SIL1: variants seen among roughly 807,000 people sequenced by gnomAD.
SIL1 encodes nucleotide exchange factor SIL1.
SIL1 carries 40 observed loss-of-function variants against 49.1 expected under a neutral mutation model. The observed-to-expected ratio is 0.81, with a 90% CI of 0.63 to 1.06. SIL1 has a LOEUF of 1.06. Ranked by LOEUF, SIL1 falls within the 50% of genes least tolerant of loss-of-function variation. SIL1 has a pLI of 0.00. For synonymous variants in SIL1, 253 were observed against 250.8 expected (o/e 1.01, Z -0.08); for missense variants, 500 against 572.6 (o/e 0.87, Z 1.29).
intron 6 of SIL1, among the ~76,000 whole-genome samples, chr5:139,024,714 C>G (rs1265155833): frequency 6.6e-6 from 1 of 152,272 alleles, no homozygotes; most frequent in Non-Finnish European, 1.5e-5. Context: ...AGCCCCCCAC[C>G]TGCAGTCTAA....
Position 138,948,244 on chromosome 5 carries a change from T to C in SIL1, c.1030-771A>G, listed in dbSNP as rs1691687855. Among the ~76,000 whole-genome samples, 1 of 152,134 alleles carries C rather than the reference T, an allele frequency of 6.6e-6. No homozygotes were observed. Among genetic ancestry groups the C allele is most frequent in the African/African-American group, 2.4e-5 (1 of 41,432 alleles). On this transcript the variant is annotated intron_variant, in intron 9 of 9. Coordinates refer to ENST00000394817, the MANE Select transcript of SIL1 (RefSeq NM_022464.5). The surrounding 1 kb of genome is among the most constrained non-coding windows in gnomAD (Gnocchi z 4.8). The stretch of plus-strand genomic sequence containing the variant: ...CGGCAGCAGGAAGTCGTGGGGCTGA[T>C]TGGGGCTGGCAGAGGAAACTGAGGA...
intron 7 of SIL1, among the ~76,000 whole-genome samples, chr5:139,018,089 A>G (rs923560432): frequency 3.9e-5 from 6 of 152,204 alleles, no homozygotes; most frequent in Non-Finnish European, 8.8e-5. Flanking sequence ...ATAAGTGTGA[A>G]TAGTATTTAA....
At chr5:139,186,302 C>T (rs1488261276) in intron 1 of SIL1, among the ~76,000 whole-genome samples, 1 of 152,166 alleles carries the variant, frequency 6.6e-6, no homozygotes, top group Non-Finnish European at 1.5e-5. Context: ...AATCATAGGA[C>T]ACTTTTATCT....
intron 3 of SIL1, among the ~76,000 whole-genome samples, chr5:139,059,016 T>C (rs1769524007): frequency 1.4e-5 from 2 of 147,814 alleles, no homozygotes; most frequent in East Asian, 3.9e-4. Context: ...GGGTAATTTA[T>C]AAACAATACA....
intron 3 of SIL1, among the ~76,000 whole-genome samples, chr5:139,119,103 T>C (rs1750550621): frequency 6.6e-6 from 1 of 152,166 alleles, no homozygotes; most frequent in Admixed American, 6.5e-5. Flanking sequence ...CAGGGACTCT[T>C]GAGAAACTCC....
chr5:139,134,920 C>T (rs1198148641), intron 1 of SIL1, among the ~76,000 whole-genome samples: 1 of 152,152 alleles, frequency 6.6e-6, no homozygotes, highest in Non-Finnish European at 1.5e-5. Flanking sequence ...CAGAAGTGCA[C>T]TACCTAATTT....
intron 3 of SIL1, among the ~76,000 whole-genome samples, chr5:139,064,197 C>G (rs547535959): frequency 4.7e-4 from 71 of 152,260 alleles, no homozygotes; most frequent in Non-Finnish European, 1.2e-4. Context: ...TACAATTTCC[C>G]TAGTGGCCCT....
chr5:139,140,703 A>T (rs1751063152), intron 1 of SIL1, among the ~76,000 whole-genome samples: 1 of 152,184 alleles, frequency 6.6e-6, no homozygotes, highest in Non-Finnish European at 1.5e-5. Flanking sequence ...GGATGGTAGG[A>T]AGCTGGGTAG....
At chr5:139,105,715 G>A (rs1035416255) in intron 3 of SIL1, among the ~76,000 whole-genome samples, 10 of 152,182 alleles carry the variant, frequency 6.6e-5, no homozygotes, top group Admixed American at 4.6e-4. Context: ...TGGCTGCCCC[G>A]GTAGCAATCG....
rs781049621 is a variant in SIL1 at position 139,057,314 on chromosome 5, T to TTAAAAAAAAAAAAAAAAAAAAAAAA, written c.245-6269_245-6268insTTTTTTTTTTTTTTTTTTTTTTTTA. 6.8e-4 allele frequency among the ~76,000 whole-genome samples: 50 copies of TTAAAAAAAAAAAAAAAAAAAAAAAA among 73,294 alleles called. 5 individuals carry two copies. Among genetic ancestry groups the TTAAAAAAAAAAAAAAAAAAAAAAAA allele is most frequent in the South Asian group, 8.8e-4 (2 of 2,268 alleles). 48.1% of individuals were successfully genotyped at this position (73,294 alleles called of 152,430 possible). A position where few individuals can be genotyped will look rare whatever the true frequency, so the allele number is the denominator to read the frequency against. On this transcript the variant is annotated intron_variant, in intron 3 of 9. Transcript: ENST00000394817. ...GCGAGAAACACCCAAGAATGATCAA[T>TTAAAAAAAAAAAAAAAAAAAAAAAA]AAAAAAAAAAAAAAGAAAAGAAAAG... is the stretch of plus-strand genomic sequence containing the variant.
chr5:139,178,763 G>T (rs1751930287), intron 1 of SIL1, among the ~76,000 whole-genome samples: 1 of 152,080 alleles, frequency 6.6e-6, no homozygotes, highest in African/African-American at 2.4e-5. Flanking sequence ...TATTCCAAGT[G>T]TAATTTTACT....
chr5:139,054,403 T>G (rs1477641544), intron 3 of SIL1, among the ~76,000 whole-genome samples: 2 of 152,052 alleles, frequency 1.3e-5, no homozygotes. Flanking sequence ...GAGTGAGAAC[T>G]TGTCTCTAAA....
chr5:139,163,473 G>A (rs1441967935), intron 1 of SIL1, among the ~76,000 whole-genome samples: 11 of 152,008 alleles, frequency 7.2e-5, no homozygotes, highest in South Asian at 4.2e-4. Context: ...AGGTTCAAGC[G>A]ATTCTCCTGC....
intron 1 of SIL1, among the ~76,000 whole-genome samples, chr5:139,173,095 TCAA>T (rs1437586013): frequency 1.3e-5 from 2 of 152,208 alleles, no homozygotes; most frequent in Admixed American, 1.3e-4. Flanking sequence ...TATCATGACA[TCAA>T]CAACTGAAAG....
At chr5:139,061,631 G>C (rs1004818859) in intron 3 of SIL1, among the ~76,000 whole-genome samples, 2 of 152,174 alleles carry the variant, frequency 1.3e-5, no homozygotes, top group Non-Finnish European at 2.9e-5. Flanking sequence ...CTACATTGTT[G>C]TGAAGAACAA....
chr5:139,143,302 T>TACACACAC (rs1440490025), intron 1 of SIL1, among the ~76,000 whole-genome samples: 15 of 71,820 alleles, frequency 2.1e-4, no homozygotes, highest in African/African-American at 1.1e-3. Flanking sequence ...TGTATATACA[T>TACACACAC]ATATACACAC....
chr5:139,116,607 G>A (rs1298880752), intron 3 of SIL1, among the ~76,000 whole-genome samples: 1 of 152,236 alleles, frequency 6.6e-6, no homozygotes, highest in Admixed American at 6.5e-5. Flanking sequence ...TAGCAAAGGT[G>A]TATATACATA....
At chr5:139,001,336 A>G (rs1434751808) in intron 7 of SIL1, among the ~76,000 whole-genome samples, 3 of 152,212 alleles carry the variant, frequency 2.0e-5, no homozygotes, top group African/African-American at 7.2e-5. Flanking sequence ...CATATAACCT[A>G]GCAATTCTAC....
intron 1 of SIL1, among the ~76,000 whole-genome samples, chr5:139,189,108 A>G (rs1752124215): frequency 6.6e-6 from 1 of 152,256 alleles, no homozygotes; most frequent in African/African-American, 2.4e-5. Flanking sequence ...GACGTGGCTC[A>G]GAAACTGGAA....
Sources: allele counts gnomAD v4.1 joint callset (sites outside exome capture counted in the v4.1 genomes callset), GRCh38; gene constraint gnomAD v4.1.1; non-coding constraint Gnocchi (gnomAD v3.1); transcripts MANE v1.5; gene names NCBI Gene and HGNC (gene_info 2026-07-23, HGNC 2026-07-21).